Variants in PCDHGB3 observed in about 807,000 individuals in gnomAD.
The protein encoded by PCDHGB3 is protocadherin gamma subfamily B, 3.
Under a neutral mutation model 59.2 loss-of-function variants are expected in PCDHGB3, and 40 were observed. That is an observed-to-expected ratio of 0.68 (90% confidence interval 0.52 to 0.88). The LOEUF (loss-of-function observed/expected upper bound fraction) is 0.88. Ranked by LOEUF, PCDHGB3 falls within the 40% of genes least tolerant of loss-of-function variation. The pLI is 0.00. For synonymous variants in PCDHGB3, 581 were observed against 503.6 expected (o/e 1.15, Z -2.06); for missense variants, 1,309 against 1,187.9 (o/e 1.10, Z -1.50).
intron 1 of PCDHGB3, chr5:141,394,355 G>A: frequency 6.2e-7 from 1 of 1,614,182 alleles, no homozygotes; most frequent in Non-Finnish European, 8.5e-7. Context: ...CCGGTGTCCT[G>A]TATGCGCTGC....
intron 1 of PCDHGB3, chr5:141,383,974 GAC>G: frequency 6.2e-7 from 1 of 1,613,818 alleles, no homozygotes; most frequent in Non-Finnish European, 8.5e-7. Flanking sequence ...AATCCCTGAA[GAC>G]ACACCTCTTG....
chr5:141,375,006 A>G (rs774947515), intron 1 of PCDHGB3: 25 of 1,613,884 alleles, frequency 1.5e-5, no homozygotes, highest in Non-Finnish European at 1.8e-5. Context: ...GCAAATCTAG[A>G]CTATGAGGAC....
At chr5:141,376,756 G>A (rs1049941497) in intron 1 of PCDHGB3, 9 of 448,098 alleles carry the variant, frequency 2.0e-5, no homozygotes, top group African/African-American at 1.7e-4. Context: ...GCGCAATCTC[G>A]GCTCACTGCA....
chr5:141,509,787 TCTC>T (rs2099878266), intron 3 of PCDHGB3, among the ~76,000 whole-genome samples: 1 of 152,132 alleles, frequency 6.6e-6, no homozygotes, highest in Non-Finnish European at 1.5e-5. Context: ...GAGATCATCA[TCTC>T]CTCAGCTTCA....
Position 141,418,943 on chromosome 5 carries a change from C to T in PCDHGB3, c.2415+46134C>T, listed in dbSNP as rs751344893. On this transcript the variant is annotated intron_variant, in intron 1 of 3. Coordinates refer to ENST00000576222, the MANE Select transcript of PCDHGB3 (RefSeq NM_018924.5). ...TGATCAGATTATGGAGGATTCCCCT[C>T]CAGGAGTGGTTGTTGCCCTCTTCAA... The T allele has an allele frequency of 3.1e-6, 5 of 1,613,914 alleles. No homozygotes were observed. The African/African-American group carries it at 6.7e-5, about 22-fold the overall frequency.
At chr5:141,411,302 G>T (rs1165336405) in intron 1 of PCDHGB3, 1 of 152,134 alleles carries the variant, frequency 6.6e-6, no homozygotes, top group Admixed American at 6.6e-5. Context: ...AGGCCCAGTG[G>T]CTCACACCTA....
At chr5:141,412,981 G>C (rs1309699690) in intron 1 of PCDHGB3, 2 of 546,326 alleles carry the variant, frequency 3.7e-6, no homozygotes, top group Non-Finnish European at 3.1e-6. Context: ...AACGCAGCCA[G>C]AGCTCAATCC....
chr5:141,375,211 T>G, intron 1 of PCDHGB3: 1 of 1,614,010 alleles, frequency 6.2e-7, no homozygotes, highest in Non-Finnish European at 8.5e-7. Flanking sequence ...ATCGAGACTC[T>G]GGCCTGAATG....
chr5:141,408,918 C>G, intron 1 of PCDHGB3: 1 of 1,613,408 alleles, frequency 6.2e-7, no homozygotes, highest in Non-Finnish European at 8.5e-7. Flanking sequence ...AATGATAACC[C>G]CCCGGTTTTC....
intron 1 of PCDHGB3, chr5:141,394,981 G>T: frequency 6.2e-7 from 1 of 1,613,964 alleles, no homozygotes; most frequent in Non-Finnish European, 8.5e-7. Flanking sequence ...CACAAGTCAC[G>T]CCTGCTCCAG....
intron 1 of PCDHGB3, chr5:141,375,488 G>A: frequency 6.2e-7 from 1 of 1,613,976 alleles, no homozygotes; most frequent in East Asian, 2.2e-5. Flanking sequence ...CCCCAGGGGT[G>A]CCTCCATCTT....
intron 1 of PCDHGB3, chr5:141,410,094 C>A: frequency 6.2e-7 from 1 of 1,612,646 alleles, no homozygotes; most frequent in South Asian, 1.1e-5. Context: ...ACGGCTCGAG[C>A]CTTAGGCGAC....
chr5:141,414,684 A>G (rs747750994), intron 1 of PCDHGB3: 6 of 1,613,806 alleles, frequency 3.7e-6, no homozygotes, highest in Non-Finnish European at 5.1e-6. Flanking sequence ...TCCAGGGGGT[A>G]CCTCTGTCCT....
chr5:141,431,408 G>A lies in PCDHGB3; in HGVS notation c.2415+58599G>A. ...CCACCTGGTCCTTACGGCCTCCGAC[G>A]GGGGCGACCCGGTGCGCACAGGCAC... On this transcript the variant is annotated intron_variant, in intron 1 of 3. Transcript: ENST00000576222. The surrounding 1 kb of genome is among the most constrained non-coding windows in gnomAD (Gnocchi z 4.8). 6.2e-7 allele frequency: 1 copy of A among 1,613,718 alleles called. No individual in the cohort carries two copies. The highest frequency in any genetic ancestry group is 2.2e-5 in the East Asian group (1 of 44,882).
chr5:141,433,906 A>G (rs1218318743), intron 1 of PCDHGB3, among the ~76,000 whole-genome samples: 1 of 151,412 alleles, frequency 6.6e-6, no homozygotes, highest in Non-Finnish European at 1.5e-5. Flanking sequence ...ATCACTTATT[A>G]CAATCACCTC....
At chr5:141,462,523 G>GTGTT (rs2099041548) in intron 1 of PCDHGB3, among the ~76,000 whole-genome samples, 1 of 152,024 alleles carries the variant, frequency 6.6e-6, no homozygotes, top group African/African-American at 2.4e-5. Context: ...GTTAGTAAGA[G>GTGTT]TGTTGTTCAG....
chr5:141,456,047 A>G (rs1321504293), intron 1 of PCDHGB3, among the ~76,000 whole-genome samples: 3 of 151,774 alleles, frequency 2.0e-5, no homozygotes, highest in Non-Finnish European at 4.4e-5. Context: ...ACAGGCGCCC[A>G]CCACCACGTC....
At position 141,505,413 on chromosome 5, in the gene PCDHGB3, C is replaced by A; in HGVS notation, c.2495C>A (p.Thr832Asn). ...CCCAGCTCCCAAAATGGCGATGACACCGGCACCTGGCCCAACAACCAGTTT... is the reference window on the plus strand; with the variant it reads ...CCCAGCTCCCAAAATGGCGATGACAACGGCACCTGGCCCAACAACCAGTTT... ...GTSGSQNGDD[T>N]GTWPNNQFDT... Residue 832 changes from threonine to asparagine, a missense_variant, in exon 3 of 4, where the codon ACC becomes AAC. Physicochemically the swap from Thr to Asn is moderately conservative, Grantham distance 65 (BLOSUM62 0). Coordinates refer to ENST00000576222, the MANE Select transcript of PCDHGB3 (RefSeq NM_018924.5). 1 of 1,614,202 alleles carries A rather than the reference C, an allele frequency of 6.2e-7. No homozygotes were observed. Among genetic ancestry groups the A allele is most frequent in the Non-Finnish European group, 8.5e-7 (1 of 1,180,046 alleles).
chr5:141,385,205 T>A, intron 1 of PCDHGB3: 1 of 1,614,228 alleles, frequency 6.2e-7, no homozygotes, highest in Non-Finnish European at 8.5e-7. Flanking sequence ...AGTCACCTGA[T>A]CTTCCCCCAG....
Sources: allele counts gnomAD v4.1 joint callset (sites outside exome capture counted in the v4.1 genomes callset), GRCh38; gene constraint gnomAD v4.1.1; non-coding constraint Gnocchi (gnomAD v3.1); transcripts MANE v1.5; gene names NCBI Gene and HGNC (gene_info 2026-07-23, HGNC 2026-07-21).